The following ADGRD1 variants were observed in gnomAD, a reference collection of about 807,000 sequenced individuals.
The protein encoded by ADGRD1 is adhesion G protein-coupled receptor D1, also known as G-protein coupled receptor 133.
A neutral mutation model predicts 113.4 loss-of-function variants in ADGRD1; 77 were observed. The ratio of observed to expected loss-of-function variants is 0.68; its 90% CI spans 0.57 to 0.82. ADGRD1 has a LOEUF of 0.82. Ranked by LOEUF, ADGRD1 falls within the 40% of genes least tolerant of loss-of-function variation. The probability of loss-of-function intolerance (pLI) is 0.00; values close to 1 mark genes in which losing one functional copy is unlikely to be tolerated. For missense variants in ADGRD1, 1,036 were observed against 1,139.1 expected (o/e 0.91, Z 1.30); for synonymous variants, 474 against 475.0 (o/e 1.00, Z 0.03).
At chr12:130,988,379 TCACAAACA>T (rs1873953178) in intron 6 of ADGRD1, 5 of 152,214 alleles carry the variant, frequency 3.3e-5, no homozygotes, top group Admixed American at 2.6e-4. Context: ...ATGTAGGCAC[TCACAAACA>T]TGTGGCTGCT....
At chr12:131,137,707 T>C in intron 23 of ADGRD1, 1 of 256,556 alleles carries the variant, frequency 3.9e-6, no homozygotes, top group Non-Finnish European at 7.7e-6. Flanking sequence ...GCAGAAGGGC[T>C]GCATGATCAC....
intron 2 of ADGRD1, among the ~76,000 whole-genome samples, chr12:130,963,691 T>C (rs1870683718): frequency 6.6e-6 from 1 of 152,198 alleles, no homozygotes; most frequent in Non-Finnish European, 1.5e-5. Flanking sequence ...CAGCGCTCTG[T>C]AGATGAGCAT....
chr12:131,132,937 G>A (rs1333251972), intron 21 of ADGRD1, among the ~76,000 whole-genome samples: 2 of 152,214 alleles, frequency 1.3e-5, no homozygotes, highest in East Asian at 1.9e-4. Flanking sequence ...TGTCAGCAGC[G>A]AATCTATGAG....
At chr12:131,129,969 A>G (rs1475242255) in intron 20 of ADGRD1, among the ~76,000 whole-genome samples, 1 of 152,254 alleles carries the variant, frequency 6.6e-6, no homozygotes, top group Non-Finnish European at 1.5e-5. Flanking sequence ...GCCATCTGCA[A>G]TTGAAATCCC....
intron 9 of ADGRD1, chr12:131,002,632 G>A (rs1876530422): frequency 2.7e-6 from 3 of 1,104,976 alleles, no homozygotes; most frequent in South Asian, 3.9e-5. Context: ...GTGTCTACCA[G>A]GATCCTCTGC....
chr12:131,070,864 T>C (rs993699595), intron 13 of ADGRD1: 2 of 518,922 alleles, frequency 3.9e-6, no homozygotes, highest in Non-Finnish European at 7.7e-6. Context: ...TCATGGAGTG[T>C]CTGCACGGGA....
At chr12:131,126,139 G>A (rs185870289) in intron 20 of ADGRD1, among the ~76,000 whole-genome samples, 137 of 152,316 alleles carry the variant, frequency 9.0e-4, no homozygotes, top group African/African-American at 3.1e-3. Flanking sequence ...TTTCCAGTGC[G>A]ACAGGTTCGG....
intron 21 of ADGRD1, among the ~76,000 whole-genome samples, chr12:131,132,227 A>T (rs1950950223): frequency 6.6e-6 from 1 of 152,110 alleles, no homozygotes. Flanking sequence ...GCAGAACGGG[A>T]TGATAACAGG....
chr12:130,981,819 C>A, intron 4 of ADGRD1, 65 bp from the exon 5 acceptor site: 3 of 1,043,562 alleles, frequency 2.9e-6, no homozygotes, highest in Non-Finnish European at 2.9e-6. Flanking sequence ...CAAAGAGAAC[C>A]ATGTGCTTGC....
chr12:131,042,772 G>A (rs542597758), intron 13 of ADGRD1, among the ~76,000 whole-genome samples: 2 of 152,382 alleles, frequency 1.3e-5, no homozygotes, highest in Admixed American at 6.5e-5. Flanking sequence ...CCTCCTGAGC[G>A]TGTGGGAGCA....
intron 22 of ADGRD1, 132 bp from the exon 23 acceptor site, chr12:131,136,841 C>A: frequency 2.6e-6 from 2 of 783,530 alleles, no homozygotes; most frequent in South Asian, 1.5e-5. Flanking sequence ...TCCTCACGGG[C>A]CCCAGGTCAT....
intron 15 of ADGRD1, among the ~76,000 whole-genome samples, chr12:131,097,887 C>A (rs1887404989): frequency 6.6e-6 from 1 of 152,248 alleles, no homozygotes; most frequent in Admixed American, 6.5e-5. Flanking sequence ...TCACCCTGCT[C>A]TCTGCCCTAC....
chr12:131,089,354 G>T (rs1403264843), intron 15 of ADGRD1, among the ~76,000 whole-genome samples: 1 of 152,234 alleles, frequency 6.6e-6, no homozygotes, highest in African/African-American at 2.4e-5. Flanking sequence ...AACGGGGAAC[G>T]TCTTCCTTCA....
At position 131,139,320 on chromosome 12, in the gene ADGRD1, A is replaced by C; in HGVS notation, c.*57A>C. On this transcript the variant is annotated 3_prime_UTR_variant, in exon 25 of 25. Transcript: ENST00000261654. ...CTCAGAACACACCCCCCCAAACAGA[A>C]TGAAATGCCCCACCTTTGCCCATGG... The C allele has an allele frequency of 2.8e-5, 34 of 1,193,006 alleles. No homozygotes were observed. Among genetic ancestry groups the C allele is most frequent in the Non-Finnish European group, 3.8e-5 (31 of 821,616 alleles). The allele number at this position is 1,193,006 out of a possible 1,614,324, so 73.9% of individuals were successfully genotyped here. A position where few individuals can be genotyped will look rare whatever the true frequency, so the allele number is the denominator to read the frequency against.
chr12:131,088,295 G>A (rs1367615489), intron 15 of ADGRD1, among the ~76,000 whole-genome samples: 1 of 152,178 alleles, frequency 6.6e-6, no homozygotes, highest in Non-Finnish European at 1.5e-5. Context: ...GGTAGCACCC[G>A]GGCCATGGGG....
At chr12:131,126,248 G>A (rs1950735514) in intron 20 of ADGRD1, among the ~76,000 whole-genome samples, 1 of 152,136 alleles carries the variant, frequency 6.6e-6, no homozygotes, top group Admixed American at 6.5e-5. Flanking sequence ...TTGAACGAGT[G>A]GGTTTCTGAT....
chr12:130,991,129 G>A (rs760920858), intron 7 of ADGRD1, 51 bp downstream of exon 7: 6 of 1,491,392 alleles, frequency 4.0e-6, no homozygotes, highest in Non-Finnish European at 5.6e-6. Context: ...CTTCTGCTTG[G>A]GCTGTTTGCT....
At chr12:131,120,060 G>A (rs1950556252) in intron 19 of ADGRD1, among the ~76,000 whole-genome samples, 1 of 152,198 alleles carries the variant, frequency 6.6e-6, no homozygotes, top group Non-Finnish European at 1.5e-5. Flanking sequence ...AGTTTGTTGT[G>A]CTGTGGGGCA....
At chr12:131,020,489 G>T (rs1164497538) in intron 13 of ADGRD1, among the ~76,000 whole-genome samples, 2 of 152,360 alleles carry the variant, frequency 1.3e-5, no homozygotes, top group South Asian at 4.1e-4. Context: ...AGGCTCACAC[G>T]CAGTGGGGCA....
Sources: gnomAD v4.1 joint callset for allele counts (sites outside exome capture counted in the v4.1 genomes callset) on GRCh38, gnomAD v4.1.1 for gene constraint, MANE v1.5 for transcripts, NCBI Gene and HGNC (gene_info 2026-07-23, HGNC 2026-07-21) for gene names.